Variants in CACNA1G observed in about 807,000 individuals in gnomAD.
CACNA1G encodes calcium voltage-gated channel subunit alpha1 G, also known as voltage-dependent T-type calcium channel subunit alpha-1G.
CACNA1G carries 67 observed loss-of-function variants against 219.4 expected under a neutral mutation model. That is an observed-to-expected ratio of 0.31 (90% CI 0.25 to 0.37). The LOEUF is 0.37. Ranked by LOEUF, CACNA1G falls within the 10% of genes least tolerant of loss-of-function variation. The pLI is 1.00. For missense variants in CACNA1G, 2,380 were observed against 3,231.4 expected (o/e 0.74, Z 6.39); for synonymous variants, 1,296 against 1,345.3 (o/e 0.96, Z 0.80).
At chr17:50,561,824 A>T in intron 1 of CACNA1G, 123 bp downstream of exon 1, 4 of 6,560 alleles carry the variant, frequency 6.1e-4, no homozygotes, top group East Asian at 3.0e-3. Flanking sequence ...GGGTAGGCGG[A>T]TGGGGGGGGG....
At position 50,618,376 on chromosome 17, in the gene CACNA1G, A is replaced by AG; in HGVS notation, c.5427+35dup. 1 of 1,604,482 alleles carries AG rather than the reference A, an allele frequency of 6.2e-7. No individual in the cohort carries two copies. The stretch of plus-strand genomic sequence containing the variant: ...CCCAGGGTTGGCCTAGGCTCCAGGG[A>AG]GGCAGCCCCACTTCCTGAGCTAGGA... On this transcript the variant is annotated intron_variant, in intron 32 of 37. Coordinates refer to ENST00000359106, the MANE Select transcript of CACNA1G (RefSeq NM_018896.5). The surrounding 1 kb of genome is among the most constrained non-coding windows in gnomAD (Gnocchi z 5.3).
intron 8 of CACNA1G, 50 bp downstream of exon 8, chr17:50,576,376 T>C: frequency 1.3e-6 from 2 of 1,527,638 alleles, no homozygotes; most frequent in South Asian, 2.4e-5. Context: ...GGGGACTGGG[T>C]GGCGTCCCAG....
chr17:50,583,941 C>A (rs541535923), intron 9 of CACNA1G, among the ~76,000 whole-genome samples: 1 of 152,126 alleles, frequency 6.6e-6, no homozygotes, highest in African/African-American at 2.4e-5. Context: ...GCTATGGGAA[C>A]GAGGGGTTGT....
At chr17:50,592,754 C>T (rs1442154914) in intron 13 of CACNA1G, among the ~76,000 whole-genome samples, 1 of 152,194 alleles carries the variant, frequency 6.6e-6, no homozygotes, top group African/African-American at 2.4e-5. Context: ...TCTCTTCCCA[C>T]CCGAGCCCCC....
At chr17:50,594,704 T>C (rs1023872352) in intron 13 of CACNA1G, among the ~76,000 whole-genome samples, 2 of 152,168 alleles carry the variant, frequency 1.3e-5, no homozygotes, top group Non-Finnish European at 1.5e-5. Flanking sequence ...GGCACACCCT[T>C]AATGAATGGT....
At chr17:50,579,953 ACACCACTGACCTCTG>A (rs1421985378) in intron 9 of CACNA1G, among the ~76,000 whole-genome samples, 12 of 152,130 alleles carry the variant, frequency 7.9e-5, no homozygotes, top group Non-Finnish European at 1.3e-4. Context: ...GCCCGCCCCC[ACACCACTGACCTCTG>A]CACCTGCAAT....
At chr17:50,614,369 A>G (rs1252622398) in intron 26 of CACNA1G, among the ~76,000 whole-genome samples, 2 of 149,602 alleles carry the variant, frequency 1.3e-5, no homozygotes, top group Non-Finnish European at 3.0e-5. Context: ...GCTGCCACAC[A>G]CCTCCCCGTG....
At position 50,620,559 on chromosome 17, in the gene CACNA1G, A is replaced by G. The variant is rs1761992304; in HGVS notation, c.5925+733A>G. ...CCCCTTGATCCCCTCACCACGACCC[A>G]CTACCACGTGAGAGAGGGCCCCACC... On this transcript the variant is annotated intron_variant, in intron 34 of 37. Transcript: ENST00000359106. Among the ~76,000 whole-genome samples the G allele has an allele frequency of 2.0e-5, 3 of 151,676 alleles. No homozygotes were observed. In the South Asian group the frequency reaches 6.2e-4, roughly 32 times the overall value.
chr17:50,566,505 T>C (rs1384110655), intron 1 of CACNA1G, among the ~76,000 whole-genome samples: 1 of 152,206 alleles, frequency 6.6e-6, no homozygotes. Context: ...CATGAGGTTA[T>C]TCGGGGGCAG....
chr17:50,624,160 A>T (rs963063380), intron 36 of CACNA1G, 85 bp downstream of exon 36: 2 of 1,507,032 alleles, frequency 1.3e-6, no homozygotes, highest in Non-Finnish European at 1.8e-6. Context: ...GGGGATGGGG[A>T]ACTGAGGCAG....
intron 9 of CACNA1G, among the ~76,000 whole-genome samples, chr17:50,588,226 A>G (rs188359707): frequency 2.5e-4 from 38 of 152,082 alleles, no homozygotes; most frequent in African/African-American, 9.2e-4. Context: ...TATCCAGTCC[A>G]CCGTGTATCT....
chr17:50,574,032 T>G (rs1382236802), intron 7 of CACNA1G, among the ~76,000 whole-genome samples: 2 of 152,230 alleles, frequency 1.3e-5, no homozygotes, highest in Non-Finnish European at 2.9e-5. Flanking sequence ...GCATCACTGC[T>G]GACGTATGCT....
intron 8 of CACNA1G, 124 bp downstream of exon 8, chr17:50,576,450 CT>C: frequency 1.1e-6 from 1 of 925,412 alleles, no homozygotes; most frequent in Admixed American, 2.2e-5. Flanking sequence ...CCTCTCATGG[CT>C]TAGGCACCTT....
intron 23 of CACNA1G, chr17:50,606,448 A>C: frequency 1.7e-6 from 1 of 591,528 alleles, no homozygotes; most frequent in Non-Finnish European, 3.0e-6. Flanking sequence ...TGGAGTCATA[A>C]TAGAATCTCC....
chr17:50,596,625 G>A lies in CACNA1G; in HGVS notation c.3043G>A (p.Asp1015Asn), dbSNP rs368133994. Reference sequence around the variant, plus strand: ...CTCACCCAGCCTGGATGGTGATGGGGACAGGAAGAAGTGCTTGGCCTGTGA... The same window carrying A: ...CTCACCCAGCCTGGATGGTGATGGGAACAGGAAGAAGTGCTTGGCCTGTGA... ...FFSPSLDGDGDRKKCLALVSL... is the reference protein window; with the variant it reads ...FFSPSLDGDGNRKKCLALVSL... Residue 1015 changes from aspartate (D) to asparagine (N), a missense_variant, in exon 15 of 38, where the codon GAC becomes AAC. Physicochemically the swap from Asp to Asn is conservative, Grantham distance 23. Coordinates refer to ENST00000359106, the MANE Select transcript of CACNA1G (RefSeq NM_018896.5). The surrounding 1 kb of genome is among the most constrained non-coding windows in gnomAD (Gnocchi z 4.8). 6.2e-6 allele frequency: 10 copies of A among 1,613,858 alleles called. No homozygotes were observed. The African/African-American group carries it at 1.1e-4, about 17-fold the overall frequency.
intron 9 of CACNA1G, among the ~76,000 whole-genome samples, chr17:50,582,833 G>A (rs1945075763): frequency 6.6e-6 from 1 of 152,150 alleles, no homozygotes; most frequent in Non-Finnish European, 1.5e-5. Flanking sequence ...GAAGGGGAGG[G>A]ACCAGGGTAG....
At chr17:50,611,261 A>G (rs1440167389) in intron 26 of CACNA1G, among the ~76,000 whole-genome samples, 4 of 150,140 alleles carry the variant, frequency 2.7e-5, no homozygotes, top group African/African-American at 4.9e-5. Context: ...TTAAAAAAAA[A>G]AAAAAAAAAA....
rs1025709002 is a variant in CACNA1G at position 50,609,943 on chromosome 17, G to A, written c.4759+8G>A. ...CAGCCAGCGCTGCGTCAGGTACTGC[G>A]TCTGGGGTGTGGGCTCATGCGTGTG... On this transcript the variant is annotated splice_region_variant and intron_variant, in intron 26 of 37. Transcript: ENST00000359106. 18 of 1,608,904 alleles carry A rather than the reference G, an allele frequency of 1.1e-5. No individual in the cohort carries two copies. Among genetic ancestry groups the A allele is most frequent in the South Asian group, 4.4e-5 (4 of 91,070 alleles).
intron 12 of CACNA1G, 33 bp from the exon 13 acceptor site, chr17:50,591,904 G>A (rs1344225588): frequency 6.2e-7 from 1 of 1,613,954 alleles, no homozygotes; most frequent in East Asian, 2.2e-5. Flanking sequence ...GGTGCCCCTA[G>A]TATAGGCCCT....
Sources: gnomAD v4.1 joint callset for allele counts (sites outside exome capture counted in the v4.1 genomes callset) on GRCh38, gnomAD v4.1.1 for gene constraint, Gnocchi (gnomAD v3.1) non-coding constraint, MANE v1.5 for transcripts, NCBI Gene and HGNC (gene_info 2026-07-23, HGNC 2026-07-21) for gene names.